The following TOGARAM1 variants were observed in gnomAD, a reference collection of about 807,000 sequenced individuals.
TOGARAM1 encodes TOG array regulator of axonemal microtubules 1.
Under a neutral mutation model 166.6 loss-of-function variants are expected in TOGARAM1, and 100 were observed. The observed-to-expected ratio is 0.60, with a 90% CI of 0.51 to 0.71. The LOEUF (loss-of-function observed/expected upper bound fraction) is 0.71. Ranked by LOEUF, TOGARAM1 falls within the 30% of genes least tolerant of loss-of-function variation. The pLI, the probability that TOGARAM1 is intolerant of heterozygous loss-of-function variation, is 0.00. For synonymous variants in TOGARAM1, 758 were observed against 763.8 expected (o/e 0.99, Z 0.13); for missense variants, 2,029 against 2,102.7 (o/e 0.96, Z 0.69).
rs1566587259 is a variant in TOGARAM1, at chr14:44,962,862, AG to A, written c.443del (p.Gly148ValfsTer31). On this transcript the variant is annotated frameshift_variant, in exon 1 of 20. Coordinates refer to ENST00000361462, the MANE Select transcript of TOGARAM1 (RefSeq NM_001308120.2). LOFTEE classifies it high-confidence loss of function. ...CACTGGGCCGAGTGCTTGTGGAAGGAGGTAGTGATGAGAAGCGGCTCTGCTT... is the reference window on the plus strand; with the variant it reads ...CACTGGGCCGAGTGCTTGTGGAAGGAGTAGTGATGAGAAGCGGCTCTGCTT... ...RALGRVLVEG[G>X]SDEKRLCLQL... 1 of 1,613,432 alleles carries A rather than the reference AG, an allele frequency of 6.2e-7. No individual in the cohort carries two copies. The highest frequency in any genetic ancestry group is 8.5e-7 in the Non-Finnish European group (1 of 1,180,002).
chr14:45,065,220 TAG>T (rs1883084088), intron 16 of TOGARAM1, among the ~76,000 whole-genome samples: 1 of 152,114 alleles, frequency 6.6e-6, no homozygotes, highest in South Asian at 2.1e-4. Flanking sequence ...GCATCTAAAA[TAG>T]ATAGACAGAT....
At chr14:44,993,858 G>C (rs1218922787) in intron 1 of TOGARAM1, among the ~76,000 whole-genome samples, 1 of 152,068 alleles carries the variant, frequency 6.6e-6, no homozygotes, top group Admixed American at 6.5e-5. Context: ...ACTAATATCT[G>C]TTTGCTAAAC....
intron 16 of TOGARAM1, among the ~76,000 whole-genome samples, chr14:45,064,908 A>G (rs73353670): frequency 0.041 from 6,227 of 151,996 alleles, 435 homozygotes; most frequent in African/African-American, 0.14. Flanking sequence ...GTTTGTGTGC[A>G]TTTTGGTATT....
intron 1 of TOGARAM1, among the ~76,000 whole-genome samples, chr14:44,977,280 G>C (rs766496503): frequency 4.1e-5 from 6 of 147,550 alleles, no homozygotes; most frequent in Non-Finnish European, 7.4e-5. Flanking sequence ...TGTTGCCCAG[G>C]CTGGAGTGTA....
In TOGARAM1 at chr14:44,988,399, A is replaced by C. The variant is rs1215744526; in HGVS notation, c.2047-7347A>C. 5.9e-5 allele frequency among the ~76,000 whole-genome samples: 9 copies of C among 152,356 alleles called. No homozygotes were observed. In the South Asian group the frequency reaches 1.0e-3, roughly 18 times the overall value. ...TATTAATACTGCCCATAGGGTAGACAGTATATATCAATTTGTGTGCTCAAA... is the reference window on the plus strand; with the variant it reads ...TATTAATACTGCCCATAGGGTAGACCGTATATATCAATTTGTGTGCTCAAA... On this transcript the variant is annotated intron_variant, in intron 1 of 19. Coordinates refer to ENST00000361462, the MANE Select transcript of TOGARAM1 (RefSeq NM_001308120.2).
intron 15 of TOGARAM1, among the ~76,000 whole-genome samples, chr14:45,054,110 A>G (rs1178471249): frequency 6.6e-6 from 1 of 152,224 alleles, no homozygotes; most frequent in African/African-American, 2.4e-5. Flanking sequence ...ACCTCAGATG[A>G]TCCACCTGCC....
chr14:45,005,958 C>T (rs1887932526), intron 4 of TOGARAM1, 50 bp from the exon 5 acceptor site: 1 of 1,471,408 alleles, frequency 6.8e-7, no homozygotes, highest in South Asian at 1.4e-5. Context: ...ATAACTCCCT[C>T]TTCTCTAAAA....
chr14:44,990,344 C>T (rs1887059747), intron 1 of TOGARAM1, among the ~76,000 whole-genome samples: 1 of 152,182 alleles, frequency 6.6e-6, no homozygotes, highest in African/African-American at 2.4e-5. Flanking sequence ...TATAGTTGCA[C>T]ACATATCTTT....
chr14:44,974,662 G>A (rs1886083027), intron 1 of TOGARAM1, among the ~76,000 whole-genome samples: 1 of 152,082 alleles, frequency 6.6e-6, no homozygotes, highest in Non-Finnish European at 1.5e-5. Context: ...GTGATCTATA[G>A]TGCTTTAATT....
At chr14:44,981,841 C>CTTT (rs56409455) in intron 1 of TOGARAM1, among the ~76,000 whole-genome samples, 2 of 80,304 alleles carry the variant, frequency 2.5e-5, no homozygotes, top group African/African-American at 9.5e-5. Context: ...TTTTCACTTA[C>CTTT]TTTTTTTTTT....
intron 16 of TOGARAM1, among the ~76,000 whole-genome samples, chr14:45,065,757 G>C (rs1212374411): frequency 6.6e-6 from 1 of 152,168 alleles, no homozygotes; most frequent in Non-Finnish European, 1.5e-5. Flanking sequence ...TGGGAACTTA[G>C]GTTTTGGAAA....
At chr14:44,972,873 A>C (rs548676975) in intron 1 of TOGARAM1, among the ~76,000 whole-genome samples, 15 of 152,238 alleles carry the variant, frequency 9.9e-5, no homozygotes, top group Non-Finnish European at 8.8e-5. Flanking sequence ...TAAGTCCTCA[A>C]ATAACGTTAT....
chr14:44,962,400 C>G lies in TOGARAM1; in HGVS notation c.-22C>G. The G allele has an allele frequency of 1.4e-5, 21 of 1,520,432 alleles. No individual in the cohort carries two copies. Among genetic ancestry groups the G allele is most frequent in the Non-Finnish European group, 1.8e-5 (21 of 1,139,602 alleles). 94.2% of individuals were successfully genotyped at this position (1,520,432 alleles called of 1,614,324 possible). On this transcript the variant is annotated 5_prime_UTR_variant, in exon 1 of 20. Transcript: ENST00000361462. ...GGAGACGGCAATGGTTTCTTCCAAC[C>G]ACCACCACCTGACAACCCTGCATGG... is the stretch of plus-strand genomic sequence containing the variant.
intron 7 of TOGARAM1, among the ~76,000 whole-genome samples, chr14:45,021,485 A>G (rs1444765378): frequency 1.3e-5 from 2 of 152,162 alleles, no homozygotes; most frequent in Non-Finnish European, 2.9e-5. Context: ...GAAAAATATG[A>G]TAAGGGAGGG....
intron 19 of TOGARAM1, among the ~76,000 whole-genome samples, chr14:45,072,038 A>C (rs1883408465): frequency 6.6e-6 from 1 of 152,182 alleles, no homozygotes; most frequent in Non-Finnish European, 1.5e-5. Context: ...AGCCAAATGC[A>C]GTGCAGGTTC....
At chr14:45,003,246 T>A (rs1887770213) in intron 3 of TOGARAM1, among the ~76,000 whole-genome samples, 2 of 152,092 alleles carry the variant, frequency 1.3e-5, no homozygotes, top group Non-Finnish European at 2.9e-5. Context: ...CAGAAGAATG[T>A]TTGCTTTATT....
intron 11 of TOGARAM1, among the ~76,000 whole-genome samples, chr14:45,036,660 T>C (rs1881451952): frequency 6.6e-6 from 1 of 152,198 alleles, no homozygotes; most frequent in Non-Finnish European, 1.5e-5. Context: ...AGAGATCAGA[T>C]ATAAGTTAAC....
chr14:45,059,622 C>T (rs938141861), intron 16 of TOGARAM1, among the ~76,000 whole-genome samples: 1 of 152,174 alleles, frequency 6.6e-6, no homozygotes, highest in South Asian at 2.1e-4. Flanking sequence ...CTCCATTGCA[C>T]TCCAACCTGG....
rs1171922303 is a variant in TOGARAM1, at chr14:44,963,020, T to G, written c.599T>G (p.Leu200Arg). ...EENPALRKDA[L>R]QILHICLKRS... is the part of the protein sequence containing the mutation. ...AATCCAGCCCTGCGGAAAGATGCGC[T>G]GCAGATCCTTCATATATGTCTGAAA... Residue 200 changes from leucine (L) to arginine (R), a missense_variant, in exon 1 of 20, where the codon CTG becomes CGG. Leu to Arg is a moderately radical substitution (Grantham distance 102). Transcript: ENST00000361462. 1 of 1,614,188 alleles carries G rather than the reference T, an allele frequency of 6.2e-7. No homozygotes were observed. The highest frequency in any genetic ancestry group is 8.5e-7 in the Non-Finnish European group (1 of 1,180,036).
Sources: allele counts gnomAD v4.1 joint callset (sites outside exome capture counted in the v4.1 genomes callset), GRCh38; gene constraint gnomAD v4.1.1; transcripts MANE v1.5; gene names NCBI Gene and HGNC (gene_info 2026-07-23, HGNC 2026-07-21).